The following BAZ2A variants were observed in gnomAD, a reference collection of about 807,000 sequenced individuals.
BAZ2A encodes the protein bromodomain adjacent to zinc finger domain protein 2A.
In BAZ2A, 34 loss-of-function variants were observed where a neutral mutation model predicts 199.9. The observed-to-expected ratio is 0.17, with a 90% CI of 0.13 to 0.23. BAZ2A has a LOEUF of 0.23. BAZ2A is among the 10% of genes least tolerant of loss of function. The pLI is 1.00. For synonymous variants in BAZ2A, 857 were observed against 883.9 expected (o/e 0.97, Z 0.54); for missense variants, 2,002 against 2,391.1 (o/e 0.84, Z 3.39).
intron 1 of BAZ2A, among the ~76,000 whole-genome samples, chr12:56,618,049 C>G (rs1370809107): frequency 6.6e-6 from 1 of 152,018 alleles, no homozygotes; most frequent in Non-Finnish European, 1.5e-5. Context: ...TATCCATAGC[C>G]CTAGATATCT....
At position 56,600,225 on chromosome 12, in the gene BAZ2A, G is replaced by A. The variant is rs1886313960; in HGVS notation, c.4868C>T (p.Ala1623Val). 4 of 1,613,836 alleles carry A rather than the reference G, an allele frequency of 2.5e-6. No individual in the cohort carries two copies. The highest frequency in any genetic ancestry group is 1.6e-4 in the Middle Eastern group (1 of 6,084). ...EKALLSTPNG[A>V]PEGTTTEISY... ...CATCTCTGTAGTGGTGCCCTCAGGG[G>A]CACCATTAGGTGTGCTAAGCAGGGC... The change falls in exon 24 of 29, where the codon GCC (alanine) becomes GTC (valine). Residue 1623 changes from alanine (A) to valine (V), a missense_variant. Coordinates refer to ENST00000549884, the MANE Select transcript of BAZ2A (RefSeq NM_001300905.2).
At chr12:56,629,606 G>A (rs1012477609) in intron 1 of BAZ2A, among the ~76,000 whole-genome samples, 2 of 152,140 alleles carry the variant, frequency 1.3e-5, no homozygotes, top group Non-Finnish European at 2.9e-5. Context: ...TCACGCTCAA[G>A]AGAATGGGTG....
intron 22 of BAZ2A, 34 bp from the exon 23 acceptor site, chr12:56,600,866 C>CA (rs1555205586): frequency 3.7e-6 from 6 of 1,611,814 alleles, no homozygotes; most frequent in Non-Finnish European, 4.2e-6. Flanking sequence ...AGAGGCCCAT[C>CA]AGGCTGTTGT....
At chr12:56,621,901 G>C (rs1484050381) in intron 1 of BAZ2A, among the ~76,000 whole-genome samples, 2 of 152,034 alleles carry the variant, frequency 1.3e-5, no homozygotes, top group Non-Finnish European at 1.5e-5. Context: ...TGTTGCCCAT[G>C]ATGGTCTCAA....
chr12:56,603,476 A>C, intron 17 of BAZ2A, 44 bp downstream of exon 17: 1 of 1,613,768 alleles, frequency 6.2e-7, no homozygotes, highest in Non-Finnish European at 8.5e-7. Context: ...AAGAAAGAGG[A>C]ATTTATTTTC....
At chr12:56,621,024 G>GACACT (rs1336271773) in intron 1 of BAZ2A, 1 of 969,764 alleles carries the variant, frequency 1.0e-6, no homozygotes, top group Non-Finnish European at 1.2e-6. Flanking sequence ...GAGCAAGGAG[G>GACACT]ACACTCTTCA....
In BAZ2A at chr12:56,600,828, G is replaced by A; in HGVS notation, c.4455C>T (p.Pro1485=). The part of the protein sequence containing the change: ...QEVCLRPSAD[P]IFEPRQLPAF... ...CAGGTAGTTGCCTGGGCTCAAAGAT[G>A]GGGTCTGAGAAGAGAGGTGGCAGAG... Residue 1485 remains proline, a synonymous_variant, in exon 23 of 29, where the codon CCC becomes CCT. Coordinates refer to ENST00000549884, the MANE Select transcript of BAZ2A (RefSeq NM_001300905.2). 6.2e-7 allele frequency: 1 copy of A among 1,613,678 alleles called. No homozygotes were observed. The highest frequency in any genetic ancestry group is 8.5e-7 in the Non-Finnish European group (1 of 1,179,738).
upstream of BAZ2A, chr12:56,630,357 CG>C: frequency 1.2e-6 from 1 of 858,438 alleles, no homozygotes; most frequent in Non-Finnish European, 1.4e-6. Context: ...GGAGAAGCCT[CG>C]GCCGGGAGAG....
chr12:56,608,590 A>T (rs2136943393), intron 10 of BAZ2A, among the ~76,000 whole-genome samples: 1 of 151,808 alleles, frequency 6.6e-6, no homozygotes, highest in Non-Finnish European at 1.5e-5. Context: ...TTATTTTGAG[A>T]TGGAGTTTCA....
In BAZ2A at chr12:56,599,323, G is replaced by A. The variant is rs745384480; in HGVS notation, c.5208C>T (p.Phe1736=). The A allele has an allele frequency of 2.3e-5, 37 of 1,613,416 alleles. No homozygotes were observed. The highest frequency in any genetic ancestry group is 2.9e-5 in the Non-Finnish European group (34 of 1,179,874). Residue 1736 remains phenylalanine, a synonymous_variant, in exon 27 of 29, where the codon TTC becomes TTT. Transcript: ENST00000549884. ...TTTTCCGCTTCTGGCCACGCTTTGGGAAACCAGGCTTCTGAGTGAATTCTC... is the reference window on the plus strand; with the variant it reads ...TTTTCCGCTTCTGGCCACGCTTTGGAAAACCAGGCTTCTGAGTGAATTCTC... ...VEGEFTQKPG[F]PKRGQKRKSG...
chr12:56,614,210 G>T (rs1399320584), intron 3 of BAZ2A, 72 bp from the exon 4 acceptor site: 1 of 1,427,072 alleles, frequency 7.0e-7, no homozygotes, highest in Non-Finnish European at 9.7e-7. Context: ...ATACTAGGCA[G>T]TCAATCTTTG....
At chr12:56,620,373 C>T (rs900080771) in intron 1 of BAZ2A, among the ~76,000 whole-genome samples, 1 of 151,896 alleles carries the variant, frequency 6.6e-6, no homozygotes, top group African/African-American at 2.4e-5. Flanking sequence ...TGATGGTGAG[C>T]AGCTGCAGTC....
At chr12:56,603,970 G>A (rs965058956) in intron 16 of BAZ2A, among the ~76,000 whole-genome samples, 2 of 152,022 alleles carry the variant, frequency 1.3e-5, no homozygotes, top group African/African-American at 2.4e-5. Flanking sequence ...CCAAGATTGC[G>A]CTATCGCATT....
chr12:56,617,911 C>A (rs1950775693), intron 1 of BAZ2A, among the ~76,000 whole-genome samples: 1 of 152,080 alleles, frequency 6.6e-6, no homozygotes, highest in African/African-American at 2.4e-5. Context: ...GTTTTTATCC[C>A]CAAGGTAAAG....
In BAZ2A at chr12:56,613,031, C is replaced by T. The variant is rs1165633875; in HGVS notation, c.1119G>A (p.Gly373=). 3 of 1,613,460 alleles carry T rather than the reference C, an allele frequency of 1.9e-6. No homozygotes were observed. In the South Asian group the frequency reaches 3.3e-5, roughly 18 times the overall value. ...FASPTSPPVL[G]ESVLQDNSFD... ...GTCACTTACCTTGCAGGACAGACTC[C>T]CCTAGGACAGGTGGAGAGGTGGGAC... Residue 373 remains glycine, a synonymous_variant, in exon 5 of 29, where the codon GGG becomes GGA. Coordinates refer to ENST00000549884, the MANE Select transcript of BAZ2A (RefSeq NM_001300905.2).
chr12:56,636,151 G>C (rs1362417458), intron 1 of BAZ2A: 3 of 1,581,092 alleles, frequency 1.9e-6, no homozygotes, highest in Non-Finnish European at 2.6e-6. Context: ...GCATCCCTCA[G>C]GCCTTCCCCG....
intron 11 of BAZ2A, 156 bp downstream of exon 11, chr12:56,606,477 G>C: frequency 8.4e-7 from 1 of 1,188,824 alleles, no homozygotes; most frequent in Non-Finnish European, 1.2e-6. Flanking sequence ...CGTTATTTTT[G>C]AACAAACCCA....
Position 56,620,853 on chromosome 12 carries a change from G to T in BAZ2A, c.-2-3321C>A, listed in dbSNP as rs141589013. On this transcript the variant is annotated intron_variant, in intron 1 of 28. Transcript: ENST00000549884. ...TGGGATTACAGCCATGAGCCACTGC[G>T]CCCAGTCAGGATTTCCCTAGTATAG... Among the ~76,000 whole-genome samples, 209 of 152,210 alleles carry T rather than the reference G, an allele frequency of 1.4e-3. 1 individual carries two copies. Among genetic ancestry groups the T allele is most frequent in the African/African-American group, 4.9e-3 (202 of 41,540 alleles).
At chr12:56,616,493 G>A (rs1374061931) in intron 2 of BAZ2A, among the ~76,000 whole-genome samples, 1 of 152,158 alleles carries the variant, frequency 6.6e-6, no homozygotes, top group Non-Finnish European at 1.5e-5. Flanking sequence ...CTTCCCTATA[G>A]GCATTGGAAG....
Sources: gnomAD v4.1 joint callset for allele counts (sites outside exome capture counted in the v4.1 genomes callset) on GRCh38, gnomAD v4.1.1 for gene constraint, MANE v1.5 for transcripts, NCBI Gene and HGNC (gene_info 2026-07-23, HGNC 2026-07-21) for gene names.